PHLDB2: variants seen among roughly 807,000 people sequenced by gnomAD.
PHLDB2 encodes pleckstrin homology-like domain family B member 2.
In PHLDB2, 71 loss-of-function variants were observed where a neutral mutation model predicts 123.6. The observed-to-expected ratio is 0.57, with a 90% CI of 0.47 to 0.70. PHLDB2 has a LOEUF of 0.70. Among genes scored for constraint, PHLDB2 ranks in the 30% least tolerant of loss-of-function variants. The pLI is 0.00. For missense variants in PHLDB2, 1,446 were observed against 1,519.5 expected, an observed-to-expected ratio of 0.95 and a Z score of 0.80; for synonymous variants, 547 against 541.6, an observed-to-expected ratio of 1.01 and a Z score of -0.14.
chr3:111,948,220 C>G (rs1022750915), intron 9 of PHLDB2, among the ~76,000 whole-genome samples: 3 of 151,988 alleles, frequency 2.0e-5, no homozygotes, highest in African/African-American at 7.3e-5. Context: ...GAAACATACC[C>G]TGGTTGCAAC....
chr3:111,772,381 G>A (rs2060193615), intron 1 of PHLDB2, among the ~76,000 whole-genome samples: 1 of 152,102 alleles, frequency 6.6e-6, no homozygotes, highest in African/African-American at 2.4e-5. Flanking sequence ...TTAAAGTGGG[G>A]TTGGGGAGAA....
intron 2 of PHLDB2, among the ~76,000 whole-genome samples, chr3:111,852,417 C>T (rs2064298250): frequency 6.8e-6 from 1 of 147,824 alleles, no homozygotes; most frequent in South Asian, 2.1e-4. Context: ...TTATAATAAT[C>T]CTTATGTATA....
intron 2 of PHLDB2, among the ~76,000 whole-genome samples, chr3:111,903,362 C>T (rs748714950): frequency 6.6e-6 from 1 of 152,234 alleles, no homozygotes; most frequent in South Asian, 2.1e-4. Flanking sequence ...TAGTGGTGAG[C>T]GTGGGAGGAC....
chr3:111,860,061 T>A (rs2064743101), intron 1 of PHLDB2, among the ~76,000 whole-genome samples: 1 of 148,174 alleles, frequency 6.7e-6, no homozygotes, highest in African/African-American at 2.5e-5. Flanking sequence ...GGGGAGGGAG[T>A]GTCTGGTAGG....
chr3:111,797,225 T>C (rs1329835076), intron 1 of PHLDB2, among the ~76,000 whole-genome samples: 2 of 152,228 alleles, frequency 1.3e-5, no homozygotes, highest in East Asian at 3.8e-4. Context: ...GATTATTGAC[T>C]CAATATCTGT....
chr3:111,885,767 A>T (rs2066131184), intron 2 of PHLDB2: 5 of 592,616 alleles, frequency 8.4e-6, no homozygotes, highest in South Asian at 2.2e-5. Flanking sequence ...TGTATTATTT[A>T]TATCATTAAA....
At chr3:111,855,103 GAA>G (rs1008307918), upstream of PHLDB2, among the ~76,000 whole-genome samples, 6 of 147,360 alleles carry the variant, frequency 4.1e-5, no homozygotes, top group African/African-American at 1.5e-4. Context: ...AGGGTAAAAA[GAA>G]AAAAAAAAGT....
intron 1 of PHLDB2, among the ~76,000 whole-genome samples, chr3:111,779,306 G>A (rs2060325340): frequency 6.6e-6 from 1 of 151,858 alleles, no homozygotes; most frequent in Non-Finnish European, 1.5e-5. Context: ...TTGTTGCAAG[G>A]ATATATTGTG....
chr3:111,938,324 C>G (rs1348981262), intron 6 of PHLDB2, among the ~76,000 whole-genome samples: 1 of 152,162 alleles, frequency 6.6e-6, no homozygotes, highest in Non-Finnish European at 1.5e-5. Context: ...TCCACCAGAG[C>G]AGTACAATTG....
chr3:111,902,769 G>A (rs935081464), intron 2 of PHLDB2, among the ~76,000 whole-genome samples: 5 of 152,140 alleles, frequency 3.3e-5, no homozygotes, highest in African/African-American at 1.2e-4. Context: ...CTCCTGAGTA[G>A]CTGGGACTAC....
In PHLDB2 at chr3:111,831,014, AAAGAAAGAAAGAAAGAAAGG is replaced by A. The variant is rs1160374598; in HGVS notation, c.-48-14803_-48-14784del. Reference sequence around the variant, plus strand: ...GAAAGAAAGAAAGAAAGAAAGAAAGAAAGAAAGAAAGAAAGAAAGGAAGGAAGGAAGAAAGAGAAAAGAGA... The same window carrying A: ...GAAAGAAAGAAAGAAAGAAAGAAAGAAAGGAAGGAAGAAAGAGAAAAGAGA... On this transcript the variant is annotated intron_variant, in intron 1 of 17. Transcript: ENST00000393923. 8.3e-4 allele frequency among the ~76,000 whole-genome samples: 84 copies of A among 101,480 alleles called. 4 individuals are homozygous for A. Among genetic ancestry groups the A allele is most frequent in the African/African-American group, 3.1e-3 (67 of 21,852 alleles). 66.6% of individuals were successfully genotyped at this position (101,480 alleles called of 152,430 possible).
chr3:111,941,019 G>A (rs1235957534), intron 8 of PHLDB2, among the ~76,000 whole-genome samples: 1 of 152,176 alleles, frequency 6.6e-6, no homozygotes, highest in Non-Finnish European at 1.5e-5. Flanking sequence ...TTTTACTACT[G>A]TCAAATATTT....
chr3:111,869,239 A>G (rs895765695), intron 1 of PHLDB2, among the ~76,000 whole-genome samples: 2 of 151,718 alleles, frequency 1.3e-5, no homozygotes, highest in African/African-American at 4.8e-5. Flanking sequence ...CTGGGGTTAC[A>G]CTCTTTTATT....
At chr3:111,895,150 A>G (rs1453468528) in intron 2 of PHLDB2, among the ~76,000 whole-genome samples, 1 of 152,200 alleles carries the variant, frequency 6.6e-6, no homozygotes, top group Non-Finnish European at 1.5e-5. Flanking sequence ...GCATTTGGCA[A>G]TAATCTAATG....
intron 1 of PHLDB2, among the ~76,000 whole-genome samples, chr3:111,745,119 G>A (rs2059661684): frequency 6.6e-6 from 1 of 152,152 alleles, no homozygotes; most frequent in Admixed American, 6.5e-5. Context: ...ACAAAACACA[G>A]AGCCAAAATA....
rs2066081683 is a variant in PHLDB2 at position 111,884,770 on chromosome 3, T to G, written c.693T>G (p.Ser231=). The change falls in exon 2 of 18, where the codon TCT becomes TCG. Residue 231 remains serine (S), a synonymous_variant. Transcript: ENST00000431670. ...PKLTRHKELA[S]ENINLRTRKY... The stretch of plus-strand genomic sequence containing the variant: ...TAACTAGACACAAGGAGCTTGCATC[T>G]GAAAACATCAATTTGAGAACTAGGA... The G allele has an allele frequency of 1.2e-6, 2 of 1,613,976 alleles. No individual in the cohort carries two copies.
intron 2 of PHLDB2, among the ~76,000 whole-genome samples, chr3:111,907,484 TTTTGTTTG>T (rs367885742): frequency 2.6e-5 from 4 of 152,028 alleles, no homozygotes; most frequent in South Asian, 4.2e-4. Context: ...CCCACAGGTT[TTTTGTTTG>T]TTTGTTTGTT....
At chr3:111,749,604 A>G (rs1051978588) in intron 1 of PHLDB2, among the ~76,000 whole-genome samples, 20 of 152,218 alleles carry the variant, frequency 1.3e-4, no homozygotes, top group African/African-American at 4.6e-4. Flanking sequence ...TCCAGATCAA[A>G]CTGCTATATA....
intron 1 of PHLDB2, among the ~76,000 whole-genome samples, chr3:111,794,555 G>A (rs781334922): frequency 3.3e-5 from 5 of 152,148 alleles, no homozygotes; most frequent in Non-Finnish European, 7.4e-5. Context: ...TTGCTGGAGG[G>A]TGCTATTTGG....
Sources: allele counts gnomAD v4.1 joint callset (sites outside exome capture counted in the v4.1 genomes callset), GRCh38; gene constraint gnomAD v4.1.1; transcripts MANE v1.5; gene names NCBI Gene and HGNC (gene_info 2026-07-23, HGNC 2026-07-21).